REEP1: variants seen among roughly 807,000 people sequenced by gnomAD.
The protein encoded by REEP1 is receptor accessory protein 1.
A neutral mutation model predicts 40.3 loss-of-function variants in REEP1; 22 were observed. The ratio of observed to expected loss-of-function variants is 0.55; its 90% confidence interval spans 0.39 to 0.78. The LOEUF is 0.78. REEP1 is among the 30% of genes least tolerant of loss of function. The probability of loss-of-function intolerance (pLI) is 0.00; values close to 1 mark genes in which losing one functional copy is unlikely to be tolerated. For missense variants in REEP1, 280 were observed against 361.1 expected, an observed-to-expected ratio of 0.78 and a Z score of 1.82; for synonymous variants, 116 against 139.2, an observed-to-expected ratio of 0.83 and a Z score of 1.17.
chr2:86,292,292 T>C (rs1678752332), intron 1 of REEP1, among the ~76,000 whole-genome samples: 1 of 152,214 alleles, frequency 6.6e-6, no homozygotes, highest in Non-Finnish European at 1.5e-5. Context: ...ATGACAAATA[T>C]CAGTTCCCCT....
chr2:86,322,596 G>A (rs1262112828), intron 1 of REEP1, among the ~76,000 whole-genome samples: 1 of 151,898 alleles, frequency 6.6e-6, no homozygotes, highest in Admixed American at 6.6e-5. Flanking sequence ...GACCACAGGT[G>A]TGTGCCACCA....
chr2:86,307,355 A>C (rs541399970), intron 1 of REEP1, among the ~76,000 whole-genome samples: 1 of 152,342 alleles, frequency 6.6e-6, no homozygotes, highest in African/African-American at 2.4e-5. Context: ...TAACAAATAG[A>C]GGCATGGCTC....
At chr2:86,245,829 A>G (rs1242105303) in intron 5 of REEP1, among the ~76,000 whole-genome samples, 1 of 145,684 alleles carries the variant, frequency 6.9e-6, no homozygotes, top group African/African-American at 2.6e-5. Context: ...CAGTGGTGCT[A>G]TCTTGGCTCA....
intron 2 of REEP1, among the ~76,000 whole-genome samples, chr2:86,268,737 T>C (rs1178352840): frequency 6.6e-6 from 1 of 152,058 alleles, no homozygotes; most frequent in East Asian, 1.9e-4. Context: ...AATGTAAAGC[T>C]AAAATAATCA....
intron 2 of REEP1, chr2:86,280,037 T>C (rs1204053295): frequency 2.2e-6 from 1 of 456,322 alleles, no homozygotes; most frequent in Admixed American, 2.3e-5. Context: ...TGGAAGATTA[T>C]TCAGGCGACA....
intron 5 of REEP1, among the ~76,000 whole-genome samples, chr2:86,249,729 G>T (rs1292451010): frequency 6.6e-6 from 1 of 152,088 alleles, no homozygotes; most frequent in Non-Finnish European, 1.5e-5. Flanking sequence ...ATCCACTGTT[G>T]CTATGGAAAC....
At chr2:86,327,220 C>G (rs1485255524) in intron 1 of REEP1, among the ~76,000 whole-genome samples, 1 of 152,162 alleles carries the variant, frequency 6.6e-6, no homozygotes, top group African/African-American at 2.4e-5. Context: ...ATTTCCCTCC[C>G]CCAGGATATG....
At chr2:86,273,705 A>G (rs1677590470) in intron 2 of REEP1, among the ~76,000 whole-genome samples, 1 of 152,174 alleles carries the variant, frequency 6.6e-6, no homozygotes, top group Non-Finnish European at 1.5e-5. Context: ...GTCTGATTTC[A>G]GCCCTCAGAT....
intron 3 of REEP1, among the ~76,000 whole-genome samples, chr2:86,258,183 C>T (rs950527267): frequency 3.9e-5 from 6 of 152,168 alleles, no homozygotes; most frequent in African/African-American, 1.2e-4. Flanking sequence ...ACCAACAGAG[C>T]GTCATTGTTT....
At chr2:86,236,936 G>A (rs566497363) in intron 5 of REEP1, among the ~76,000 whole-genome samples, 203 of 152,198 alleles carry the variant, frequency 1.3e-3, no homozygotes, top group African/African-American at 4.5e-3. Flanking sequence ...GGGTTTCACC[G>A]TGTTAGCCAG....
chr2:86,215,638 C>T lies in REEP1; in HGVS notation c.*1401G>A, dbSNP rs1573978320. On this transcript the variant is annotated 3_prime_UTR_variant, in exon 9 of 9. Transcript: ENST00000538924. ...AATATATTATTCTTATATTTCGGCT[C>T]AGCTCTCAGTGGGGAGAGCAGCTAC... is the stretch of plus-strand genomic sequence containing the variant. 6.5e-6 allele frequency: 1 copy of T among 152,742 alleles called. No homozygotes were observed. The highest frequency in any genetic ancestry group is 3.4e-3 in the Middle Eastern group (1 of 292). The allele number at this position is 152,742 out of a possible 1,614,324, so 9.5% of individuals were successfully genotyped here.
intron 5 of REEP1, among the ~76,000 whole-genome samples, chr2:86,242,971 G>C (rs1292646476): frequency 1.3e-5 from 2 of 152,092 alleles, no homozygotes; most frequent in Admixed American, 1.3e-4. Flanking sequence ...AGAATGGTGG[G>C]ACACACGGAA....
chr2:86,266,393 G>A (rs958214138), intron 2 of REEP1, among the ~76,000 whole-genome samples: 2 of 152,056 alleles, frequency 1.3e-5, no homozygotes, highest in African/African-American at 4.8e-5. Context: ...GCCGAGGCGG[G>A]TGGATCATGA....
intron 3 of REEP1, among the ~76,000 whole-genome samples, chr2:86,256,319 G>T (rs1258597898): frequency 6.9e-6 from 1 of 144,038 alleles, no homozygotes; most frequent in East Asian, 2.0e-4. Context: ...CTGCACTCTA[G>T]CCTGGGCGAC....
chr2:86,233,868 A>G (rs1459870251), intron 5 of REEP1, among the ~76,000 whole-genome samples: 1 of 152,072 alleles, frequency 6.6e-6, no homozygotes, highest in East Asian at 1.9e-4. Context: ...CCACTTGGAT[A>G]ATGAAGGAAA....
At chr2:86,306,509 A>G (rs1337657150) in intron 1 of REEP1, among the ~76,000 whole-genome samples, 1 of 152,226 alleles carries the variant, frequency 6.6e-6, no homozygotes, top group Non-Finnish European at 1.5e-5. Flanking sequence ...TCAGAAAAAA[A>G]CACAAAGACA....
chr2:86,248,417 T>TTTTA (rs1265763530), intron 5 of REEP1, among the ~76,000 whole-genome samples: 16 of 152,054 alleles, frequency 1.1e-4, no homozygotes, highest in African/African-American at 2.2e-4. Context: ...GCCTAGTTTA[T>TTTTA]TTTATTTATT....
intron 1 of REEP1, among the ~76,000 whole-genome samples, chr2:86,301,174 C>G (rs1333284389): frequency 6.6e-6 from 1 of 152,236 alleles, no homozygotes; most frequent in Non-Finnish European, 1.5e-5. Context: ...TCCGCATTCT[C>G]TTTGAAGCTC....
At chr2:86,251,816 C>T in intron 5 of REEP1, 141 bp downstream of exon 5, 1 of 747,330 alleles carries the variant, frequency 1.3e-6, no homozygotes. Flanking sequence ...CATTTTTTTC[C>T]ATCAGATTTT....
Sources: gnomAD v4.1 joint callset for allele counts (sites outside exome capture counted in the v4.1 genomes callset) on GRCh38, gnomAD v4.1.1 for gene constraint, MANE v1.5 for transcripts, NCBI Gene and HGNC (gene_info 2026-07-23, HGNC 2026-07-21) for gene names.